The following MCM9 variants were observed in gnomAD, a reference collection of about 807,000 sequenced individuals.
MCM9 encodes DNA helicase MCM9.
In MCM9, 55 loss-of-function variants were observed where a neutral mutation model predicts 72.8. The ratio of observed to expected loss-of-function variants is 0.76; its 90% CI spans 0.61 to 0.95. The LOEUF (loss-of-function observed/expected upper bound fraction) is 0.95. Among genes scored for constraint, MCM9 ranks in the 40% least tolerant of loss-of-function variants. MCM9 has a pLI of 0.00. For synonymous variants in MCM9, 480 were observed against 503.4 expected (o/e 0.95, Z 0.62); for missense variants, 1,279 against 1,377.0 (o/e 0.93, Z 1.13).
rs887557673 is a variant in MCM9 at position 118,815,316 on chromosome 6, G to C, written c.2940C>G (p.Asn980Lys). The part of the protein sequence containing the change: ...RPGKLTSTPG[N>K]QISSQPQGET... ...CACCCTGTGGCTGACTGGAGATCTG[G>C]TTTCCTGGGGTAGATGTTAACTTTC... The change falls in exon 14 of 14, where the codon AAC becomes AAG. Residue 980 changes from asparagine to lysine, a missense_variant. Physicochemically the swap from Asn to Lys is moderately conservative, Grantham distance 94 (BLOSUM62 0). Transcript: ENST00000619706. 9 of 1,550,424 alleles carry C rather than the reference G, an allele frequency of 5.8e-6. No homozygotes were observed. In the African/African-American group the frequency reaches 8.2e-5, roughly 14 times the overall value.
intron 8 of MCM9, chr6:118,908,675 A>G (rs9489539): frequency 0.057 from 8,726 of 152,380 alleles, 360 homozygotes; most frequent in East Asian, 0.19. Context: ...TTGAAAAGCA[A>G]TCTTGGAAAG....
intron 9 of MCM9, among the ~76,000 whole-genome samples, chr6:118,838,870 T>C (rs1191913209): frequency 6.6e-6 from 1 of 152,220 alleles, no homozygotes; most frequent in African/African-American, 2.4e-5. Flanking sequence ...CATTTTTCCC[T>C]TCATTTCAAC....
chr6:118,854,934 A>C (rs1776460397), intron 9 of MCM9, among the ~76,000 whole-genome samples: 1 of 152,112 alleles, frequency 6.6e-6, no homozygotes, highest in South Asian at 2.1e-4. Context: ...TTCATTTCAC[A>C]TTTTTAATAA....
At chr6:118,860,191 A>C (rs1350160593) in intron 8 of MCM9, among the ~76,000 whole-genome samples, 1 of 152,190 alleles carries the variant, frequency 6.6e-6, no homozygotes, top group African/African-American at 2.4e-5. Context: ...AATCAAACTG[A>C]ATTTAAAACA....
chr6:118,873,782 CCAA>C (rs1393061402), intron 8 of MCM9, among the ~76,000 whole-genome samples: 2 of 152,124 alleles, frequency 1.3e-5, no homozygotes, highest in Non-Finnish European at 2.9e-5. Context: ...TTGTATGAGG[CCAA>C]CATTACCTTA....
chr6:118,848,885 G>A (rs1776052734), intron 9 of MCM9, among the ~76,000 whole-genome samples: 1 of 152,052 alleles, frequency 6.6e-6, no homozygotes, highest in Non-Finnish European at 1.5e-5. Flanking sequence ...TTGTGCCACT[G>A]CACTCCAGCC....
Position 118,861,445 on chromosome 6 carries a change from G to C in MCM9, c.1151-4900C>G, listed in dbSNP as rs148202789. On this transcript the variant is annotated intron_variant, in intron 8 of 13. Coordinates refer to ENST00000619706, the MANE Select transcript of MCM9 (RefSeq NM_017696.3). Reference sequence around the variant, plus strand: ...GCTCTTTCAGTCCCATCATTCAACAGGTCCTGCATTCTTGTCTCATCTCCA... The same window carrying C: ...GCTCTTTCAGTCCCATCATTCAACACGTCCTGCATTCTTGTCTCATCTCCA... Among the ~76,000 whole-genome samples the C allele has an allele frequency of 1.8e-3, 278 of 152,320 alleles. 1 individual carries two copies. Among genetic ancestry groups the C allele is most frequent in the South Asian group, 0.011 (51 of 4,824 alleles).
chr6:118,918,301 C>G (rs1781130311), intron 5 of MCM9: 1 of 153,678 alleles, frequency 6.5e-6, no homozygotes, highest in South Asian at 2.0e-4. Flanking sequence ...TTTAGTGAAC[C>G]AAAGAAACAA....
At chr6:118,838,705 G>A (rs1775144702) in intron 9 of MCM9, among the ~76,000 whole-genome samples, 1 of 152,236 alleles carries the variant, frequency 6.6e-6, no homozygotes, top group South Asian at 2.1e-4. Flanking sequence ...AGAGGCGTGA[G>A]CCACTGTGCC....
intron 8 of MCM9, among the ~76,000 whole-genome samples, chr6:118,882,595 A>G (rs935437396): frequency 6.6e-6 from 1 of 152,188 alleles, no homozygotes; most frequent in African/African-American, 2.4e-5. Context: ...AAAAGAACAG[A>G]GCAATCAACA....
intron 5 of MCM9, chr6:118,918,368 T>C (rs1781133720): frequency 6.5e-6 from 1 of 152,832 alleles, no homozygotes; most frequent in African/African-American, 2.4e-5. Context: ...CCACAAAATA[T>C]AAAAGCACAA....
At chr6:118,900,683 A>T in intron 8 of MCM9, 1 of 962,352 alleles carries the variant, frequency 1.0e-6, no homozygotes, top group South Asian at 1.3e-5. Context: ...GTAAGTGGCT[A>T]AGTGGACATT....
At chr6:118,870,760 A>T (rs1777548853) in intron 8 of MCM9, among the ~76,000 whole-genome samples, 1 of 152,174 alleles carries the variant, frequency 6.6e-6, no homozygotes, top group African/African-American at 2.4e-5. Flanking sequence ...TCAAAATCAG[A>T]AATGAAAAGG....
chr6:118,880,312 C>G (rs1778208205), intron 8 of MCM9, among the ~76,000 whole-genome samples: 1 of 152,114 alleles, frequency 6.6e-6, no homozygotes. Flanking sequence ...CTGTTGGAAA[C>G]TCGAGGTGTT....
At chr6:118,858,795 A>T (rs1340365180) in intron 8 of MCM9, among the ~76,000 whole-genome samples, 1 of 152,198 alleles carries the variant, frequency 6.6e-6, no homozygotes, top group Non-Finnish European at 1.5e-5. Context: ...AATAAACTCT[A>T]TATTCAAGAT....
chr6:118,917,924 A>T (rs1388132963), intron 5 of MCM9, 163 bp from the exon 6 acceptor site: 2 of 611,278 alleles, frequency 3.3e-6, no homozygotes, highest in African/African-American at 1.8e-5. Flanking sequence ...AGCACCCCAG[A>T]TTCTTGACTG....
Position 118,864,110 on chromosome 6 carries a change from T to G in MCM9, c.1151-7565A>C, listed in dbSNP as rs539279591. ...TGGGGTACAGGTGGTATTTTGGTTA[T>G]GTGGATGAGTTCTTTAGTGCTGATT... On this transcript the variant is annotated intron_variant, in intron 8 of 13. Transcript: ENST00000619706. Among the ~76,000 whole-genome samples, 3 of 152,240 alleles carry G rather than the reference T, an allele frequency of 2.0e-5. No individual in the cohort carries two copies. The East Asian group carries it at 5.8e-4, about 29-fold the overall frequency.
intron 3 of MCM9, among the ~76,000 whole-genome samples, chr6:118,926,583 T>C (rs957886311): frequency 2.6e-5 from 4 of 152,232 alleles, no homozygotes; most frequent in African/African-American, 4.8e-5. Context: ...GTTTTCAAGA[T>C]TCATTCCTGT....
At chr6:118,869,814 C>A (rs191615582) in intron 8 of MCM9, among the ~76,000 whole-genome samples, 53 of 152,056 alleles carry the variant, frequency 3.5e-4, no homozygotes, top group Admixed American at 3.0e-3. Context: ...AGAAAGACAT[C>A]CCATGCAAAT....
Sources: allele counts gnomAD v4.1 joint callset (sites outside exome capture counted in the v4.1 genomes callset), GRCh38; gene constraint gnomAD v4.1.1; transcripts MANE v1.5; gene names NCBI Gene and HGNC (gene_info 2026-07-23, HGNC 2026-07-21).